Variants in KIAA1549 observed in about 807,000 individuals in gnomAD.
KIAA1549 encodes KIAA1549.
Under a neutral mutation model 156.4 loss-of-function variants are expected in KIAA1549, and 70 were observed. That is an observed-to-expected ratio of 0.45 (90% CI 0.37 to 0.55). The LOEUF (loss-of-function observed/expected upper bound fraction) is 0.55, where lower values mean the gene tolerates loss of function less well. Ranked by LOEUF, KIAA1549 falls within the 20% of genes least tolerant of loss-of-function variation. KIAA1549 has a pLI of 0.00. For missense variants in KIAA1549, 2,428 were observed against 2,540.9 expected (o/e 0.96, Z 0.96); for synonymous variants, 1,103 against 1,066.4 (o/e 1.03, Z -0.67).
In KIAA1549 at chr7:138,915,947, G is replaced by C. The variant is rs188121137; in HGVS notation, c.2878+801C>G. Among the ~76,000 whole-genome samples, 1,135 of 152,390 alleles carry C rather than the reference G, an allele frequency of 7.4e-3. 18 individuals carry two copies. Among genetic ancestry groups the C allele is most frequent in the African/African-American group, 0.025 (1,046 of 41,592 alleles). On this transcript the variant is annotated intron_variant, in intron 2 of 19. Coordinates refer to ENST00000422774, the MANE Select transcript of KIAA1549 (RefSeq NM_001164665.2). ...CAGGCATGCCCTCAGGTGGGCACCA[G>C]CTTCACGCGGCCACAGCAGCCATGC... is the stretch of plus-strand genomic sequence containing the variant.
At chr7:138,864,048 C>T (rs1440621906) in intron 15 of KIAA1549, among the ~76,000 whole-genome samples, 2 of 152,068 alleles carry the variant, frequency 1.3e-5, no homozygotes, top group African/African-American at 2.4e-5. Context: ...CTAGAGCTCA[C>T]GGGTGGAAAG....
chr7:138,944,949 G>A (rs889384843), intron 1 of KIAA1549, among the ~76,000 whole-genome samples: 6 of 152,234 alleles, frequency 3.9e-5, no homozygotes, highest in Non-Finnish European at 8.8e-5. Flanking sequence ...GCACACTACT[G>A]TGGATGTACT....
At chr7:138,911,521 G>A (rs531726478) in intron 3 of KIAA1549, among the ~76,000 whole-genome samples, 198 bp from the exon 4 acceptor site, 92 of 152,298 alleles carry the variant, frequency 6.0e-4, no homozygotes, top group Non-Finnish European at 1.1e-3. Flanking sequence ...TATAAGAGCA[G>A]CAAGAAAGAA....
At chr7:138,868,266 G>A (rs1810813698) in intron 14 of KIAA1549, 138 bp from the exon 15 acceptor site, 10 of 796,348 alleles carry the variant, frequency 1.3e-5, no homozygotes, top group Non-Finnish European at 2.0e-5. Flanking sequence ...CGCCATGTAC[G>A]AGACAGTCTC....
chr7:138,831,619 A>G lies in KIAA1549; in HGVS notation c.*6287T>C, dbSNP rs1295235261. 8.7e-6 allele frequency: 2 copies of G among 228,972 alleles called. No individual in the cohort carries two copies. Among genetic ancestry groups the G allele is most frequent in the Non-Finnish European group, 1.7e-5 (2 of 115,488 alleles). 14.2% of individuals were successfully genotyped at this position (228,972 alleles called of 1,614,324 possible). Reference sequence around the variant, plus strand: ...TCAGTGCCTGTTTGAGGACCAGCAAACCATGATTGTCAAGTTTAAGTTGCA... The same window carrying G: ...TCAGTGCCTGTTTGAGGACCAGCAAGCCATGATTGTCAAGTTTAAGTTGCA... On this transcript the variant is annotated 3_prime_UTR_variant, in exon 20 of 20. Transcript: ENST00000422774.
chr7:138,943,720 G>T (rs1444462060), intron 1 of KIAA1549, among the ~76,000 whole-genome samples: 2 of 152,000 alleles, frequency 1.3e-5, no homozygotes, highest in Non-Finnish European at 2.9e-5. Context: ...GTAGTGGCGG[G>T]CACCTGTAGT....
intron 10 of KIAA1549, among the ~76,000 whole-genome samples, chr7:138,886,512 A>G (rs1382585690): frequency 6.6e-6 from 1 of 152,202 alleles, no homozygotes; most frequent in Non-Finnish European, 1.5e-5. Context: ...GCAGGGCTCA[A>G]GCAATCCTCC....
At chr7:138,919,486 A>G (rs1326924012) in intron 1 of KIAA1549, 48 bp from the exon 2 acceptor site, 3 of 1,566,910 alleles carry the variant, frequency 1.9e-6, no homozygotes, top group Non-Finnish European at 2.6e-6. Context: ...TGGAAGTCAC[A>G]CAGCTAACGT....
chr7:138,918,582 C>T lies in KIAA1549; in HGVS notation c.1044G>A (p.Ser348=), dbSNP rs757468687. The change falls in exon 2 of 20, where the codon TCG becomes TCA. Residue 348 remains serine, a synonymous_variant. Transcript: ENST00000422774. The surrounding 1 kb of genome is among the most constrained non-coding windows in gnomAD (Gnocchi z 4.2). The part of the protein sequence containing the change: ...SPRTYPTVTA[S]HAALAFSRTH... ...TCCTGCTGAATGCAAGGGCTGCGTG[C>T]GATGCAGTCACAGTGGGGTATGTTC... 4.0e-5 allele frequency: 65 copies of T among 1,613,870 alleles called. No individual in the cohort carries two copies. Among genetic ancestry groups the T allele is most frequent in the Non-Finnish European group, 4.5e-5 (53 of 1,179,908 alleles).
At chr7:138,907,810 G>A (rs1382370774) in intron 5 of KIAA1549, among the ~76,000 whole-genome samples, 4 of 152,142 alleles carry the variant, frequency 2.6e-5, no homozygotes, top group African/African-American at 4.8e-5. Flanking sequence ...AACCAAGAAG[G>A]TGGGCAGAGG....
chr7:138,936,347 C>T (rs1019622462), intron 1 of KIAA1549, among the ~76,000 whole-genome samples: 9 of 152,202 alleles, frequency 5.9e-5, no homozygotes, highest in African/African-American at 1.9e-4. Context: ...CACTTAATAG[C>T]TCGTGCCTGT....
At position 138,871,233 on chromosome 7, in the gene KIAA1549, T is replaced by A. The variant is rs761630834; in HGVS notation, c.4475A>T (p.Gln1492Leu). Residue 1492 changes from glutamine to leucine, a missense_variant, in exon 13 of 20, where the codon CAG becomes CTG. By Grantham distance (113) the Gln-to-Leu change is moderately radical. Coordinates refer to ENST00000422774, the MANE Select transcript of KIAA1549 (RefSeq NM_001164665.2). ...VPSKIQLIAMQPIPAPPVQRP... is the reference protein window; with the variant it reads ...VPSKIQLIAMLPIPAPPVQRP... ...CTGGACGGGAGGTGCCGGGATCGGC[T>A]GCATGGCGATAAGCTGGATCTTACT... is the stretch of plus-strand genomic sequence containing the variant. 3.7e-6 allele frequency: 6 copies of A among 1,613,342 alleles called. No individual in the cohort carries two copies. Among genetic ancestry groups the A allele is most frequent in the Non-Finnish European group, 4.2e-6 (5 of 1,179,792 alleles).
At chr7:138,967,869 T>C (rs1048117428) in intron 1 of KIAA1549, among the ~76,000 whole-genome samples, 11 of 152,200 alleles carry the variant, frequency 7.2e-5, no homozygotes, top group African/African-American at 2.7e-4. Flanking sequence ...AGATCTGGCC[T>C]GTGCTGGCCT....
chr7:138,948,907 T>C (rs895151351), intron 1 of KIAA1549, among the ~76,000 whole-genome samples: 1 of 152,062 alleles, frequency 6.6e-6, no homozygotes, highest in African/African-American at 2.4e-5. Context: ...TTTCTCCATG[T>C]TGGTCAGGGC....
Position 138,877,186 on chromosome 7 carries a change from A to C in KIAA1549, c.4345+2352T>G, listed in dbSNP as rs1208844754. On this transcript the variant is annotated intron_variant, in intron 12 of 19. Transcript: ENST00000422774. ...CTTCATTACGACTTTCAACAAAAGAAATATTTTTATGTGAATTATAAAACA... is the reference window on the plus strand; with the variant it reads ...CTTCATTACGACTTTCAACAAAAGACATATTTTTATGTGAATTATAAAACA... Among the ~76,000 whole-genome samples, 3 of 152,234 alleles carry C rather than the reference A, an allele frequency of 2.0e-5. No homozygotes were observed. In the East Asian group the frequency reaches 5.8e-4, roughly 29 times the overall value.
intron 1 of KIAA1549, among the ~76,000 whole-genome samples, chr7:138,961,410 G>A (rs1813842808): frequency 6.6e-6 from 1 of 151,996 alleles, no homozygotes. Flanking sequence ...TCCTACCGTG[G>A]GCTGAGAGAG....
chr7:138,860,835 A>G (rs1345041511), intron 16 of KIAA1549, among the ~76,000 whole-genome samples: 1 of 149,886 alleles, frequency 6.7e-6, no homozygotes, highest in Non-Finnish European at 1.5e-5. Flanking sequence ...ATTCCGTGAC[A>G]CTGTTTTGAA....
intron 1 of KIAA1549, among the ~76,000 whole-genome samples, chr7:138,962,963 A>G (rs1813898066): frequency 6.6e-6 from 1 of 152,192 alleles, no homozygotes; most frequent in African/African-American, 2.4e-5. Context: ...GTCCTCTACA[A>G]TAGCACTTCA....
intron 1 of KIAA1549, among the ~76,000 whole-genome samples, chr7:138,963,380 C>T (rs574257130): frequency 1.1e-4 from 17 of 152,314 alleles, no homozygotes; most frequent in East Asian, 1.9e-4. Context: ...CTGGTTTACC[C>T]AGCCTGATAG....
Sources: gnomAD v4.1 joint callset for allele counts (sites outside exome capture counted in the v4.1 genomes callset) on GRCh38, gnomAD v4.1.1 for gene constraint, Gnocchi (gnomAD v3.1) non-coding constraint, MANE v1.5 for transcripts, NCBI Gene and HGNC (gene_info 2026-07-23, HGNC 2026-07-21) for gene names.